ASTN2: variants seen among roughly 807,000 people sequenced by gnomAD.
The protein encoded by ASTN2 is astrotactin 2.
Under a neutral mutation model 139.8 loss-of-function variants are expected in ASTN2, and 54 were observed. That is an observed-to-expected ratio of 0.39 (90% CI 0.31 to 0.48). The LOEUF is 0.48. Among genes scored for constraint, ASTN2 ranks in the 20% least tolerant of loss-of-function variants. The probability of loss-of-function intolerance (pLI) is 0.95; values close to 1 mark genes in which losing one functional copy is unlikely to be tolerated. For synonymous variants in ASTN2, 756 were observed against 719.5 expected (o/e 1.05, Z -0.81); for missense variants, 1,565 against 1,725.1 (o/e 0.91, Z 1.64).
At chr9:117,089,886 C>T (rs758038261) in intron 5 of ASTN2, among the ~76,000 whole-genome samples, 2 of 152,182 alleles carry the variant, frequency 1.3e-5, no homozygotes, top group African/African-American at 2.4e-5. Flanking sequence ...AAGTAGTATT[C>T]CATCATGTAT....
At position 116,461,857 on chromosome 9, in the gene ASTN2, C is replaced by T. The variant is rs150835357; in HGVS notation, c.3498-19304G>A. Among the ~76,000 whole-genome samples, 300 of 152,222 alleles carry T rather than the reference C, an allele frequency of 2.0e-3. 3 individuals are homozygous for T. The highest frequency in any genetic ancestry group is 6.8e-3 in the African/African-American group (282 of 41,540). ...GCATAGCTTAGCCTATCCTGACTTA[C>T]GCATGCCTCATTCACAGATGGACGA... On this transcript the variant is annotated intron_variant, in intron 20 of 22. Coordinates refer to ENST00000313400, the MANE Select transcript of ASTN2 (RefSeq NM_001365068.1).
At chr9:116,959,442 CA>C (rs1257360915) in intron 10 of ASTN2, among the ~76,000 whole-genome samples, 1 of 152,082 alleles carries the variant, frequency 6.6e-6, no homozygotes, top group African/African-American at 2.4e-5. Context: ...ATCCTCATAG[CA>C]ACAGCAAGCG....
chr9:117,000,948 T>G (rs955397483), intron 7 of ASTN2, among the ~76,000 whole-genome samples: 13 of 152,194 alleles, frequency 8.5e-5, no homozygotes, highest in African/African-American at 3.1e-4. Context: ...CCATGTGAGC[T>G]GGCTCCAGCA....
intron 22 of ASTN2, among the ~76,000 whole-genome samples, chr9:116,438,491 G>C (rs888038435): frequency 2.0e-5 from 3 of 152,156 alleles, no homozygotes; most frequent in African/African-American, 7.2e-5. Context: ...TCCAAACACA[G>C]TGTTTACCAA....
intron 1 of ASTN2, among the ~76,000 whole-genome samples, chr9:117,388,245 T>C (rs547695173): frequency 1.3e-4 from 20 of 152,370 alleles, no homozygotes; most frequent in African/African-American, 4.1e-4. Flanking sequence ...ATTTTAGTAT[T>C]GATTCCTAGA....
intron 11 of ASTN2, among the ~76,000 whole-genome samples, chr9:116,839,360 G>A (rs1199644767): frequency 6.6e-6 from 1 of 151,962 alleles, no homozygotes; most frequent in Non-Finnish European, 1.5e-5. Context: ...CTTTATTGAA[G>A]TATAATCTAC....
At chr9:117,068,764 C>T (rs986072099) in intron 5 of ASTN2, among the ~76,000 whole-genome samples, 2 of 130,558 alleles carry the variant, frequency 1.5e-5, no homozygotes, top group East Asian at 5.6e-4. Context: ...GGAATTTATC[C>T]ATTTCTTCTA....
intron 2 of ASTN2, among the ~76,000 whole-genome samples, chr9:117,259,782 C>T (rs10983587): frequency 0.72 from 110,103 of 152,068 alleles, 42,911 homozygotes; most frequent in Non-Finnish European, 0.85. Context: ...CTGACCACTT[C>T]GGACACCTGT....
chr9:116,910,676 C>A (rs1372336013), intron 10 of ASTN2, among the ~76,000 whole-genome samples: 2 of 151,962 alleles, frequency 1.3e-5, no homozygotes, highest in Non-Finnish European at 2.9e-5. Flanking sequence ...AGGAAGAGTG[C>A]CCATCATAAA....
At chr9:116,657,329 C>T (rs1416250601) in intron 16 of ASTN2, among the ~76,000 whole-genome samples, 1 of 152,162 alleles carries the variant, frequency 6.6e-6, no homozygotes, top group African/African-American at 2.4e-5. Flanking sequence ...ACAAGTTAAG[C>T]ACTCAATAAA....
chr9:116,827,390 A>G (rs1352059574), intron 11 of ASTN2, among the ~76,000 whole-genome samples: 1 of 151,972 alleles, frequency 6.6e-6, no homozygotes, highest in East Asian at 1.9e-4. Flanking sequence ...AAGAAATAAC[A>G]AAGATCAGAG....
intron 2 of ASTN2, among the ~76,000 whole-genome samples, chr9:117,219,720 A>G (rs1293972794): frequency 6.6e-6 from 1 of 152,044 alleles, no homozygotes; most frequent in Non-Finnish European, 1.5e-5. Context: ...TTCAGGGAGG[A>G]AGTGGAGAAG....
chr9:116,437,019 C>T (rs560822332), intron 22 of ASTN2, among the ~76,000 whole-genome samples: 13 of 140,764 alleles, frequency 9.2e-5, no homozygotes, highest in Admixed American at 7.0e-4. Flanking sequence ...TGAGAACACA[C>T]GGACACAGGA....
chr9:117,389,927 T>C (rs894365656), intron 1 of ASTN2, among the ~76,000 whole-genome samples: 3 of 150,948 alleles, frequency 2.0e-5, no homozygotes, highest in South Asian at 4.2e-4. Context: ...GGACTCTAAT[T>C]AGGATGGAAT....
intron 20 of ASTN2, among the ~76,000 whole-genome samples, chr9:116,445,032 G>A (rs1847944822): frequency 6.6e-6 from 1 of 152,170 alleles, no homozygotes; most frequent in Non-Finnish European, 1.5e-5. Flanking sequence ...CATCTAGAAA[G>A]TGGCAGAGGC....
intron 10 of ASTN2, among the ~76,000 whole-genome samples, chr9:116,880,002 C>G (rs1490327459): frequency 6.6e-6 from 1 of 152,036 alleles, no homozygotes; most frequent in Non-Finnish European, 1.5e-5. Context: ...GTAACATAAT[C>G]TACATGTTCC....
chr9:116,586,929 T>C (rs1174621490), intron 19 of ASTN2, among the ~76,000 whole-genome samples: 1 of 151,728 alleles, frequency 6.6e-6, no homozygotes, highest in African/African-American at 2.4e-5. Context: ...TGACTTTGAG[T>C]TTAGAGAGGA....
chr9:117,251,830 G>C (rs1326638214), intron 2 of ASTN2, among the ~76,000 whole-genome samples: 1 of 152,156 alleles, frequency 6.6e-6, no homozygotes, highest in East Asian at 1.9e-4. Flanking sequence ...TCTACACTAG[G>C]TAGTCATAAG....
At chr9:117,326,052 A>G (rs1479062331) in intron 1 of ASTN2, among the ~76,000 whole-genome samples, 5 of 152,138 alleles carry the variant, frequency 3.3e-5, no homozygotes, top group African/African-American at 1.2e-4. Context: ...CACAGCACAC[A>G]TTGCCATGCA....
Sources: allele counts gnomAD v4.1 joint callset (sites outside exome capture counted in the v4.1 genomes callset), GRCh38; gene constraint gnomAD v4.1.1; transcripts MANE v1.5; gene names NCBI Gene and HGNC (gene_info 2026-07-23, HGNC 2026-07-21).